MYOF: variants seen among roughly 807,000 people sequenced by gnomAD.
The protein encoded by MYOF is fer-1-like 3, myoferlin.
MYOF carries 244 observed loss-of-function variants against 284.2 expected under a neutral mutation model. The observed-to-expected ratio is 0.86, with a 90% CI of 0.77 to 0.95. The LOEUF (loss-of-function observed/expected upper bound fraction) is 0.95. MYOF is among the 40% of genes least tolerant of loss of function. The pLI is 0.00. For missense variants in MYOF, 2,496 were observed against 2,560.6 expected, an observed-to-expected ratio of 0.97 and a Z score of 0.54; for synonymous variants, 904 against 919.7, an observed-to-expected ratio of 0.98 and a Z score of 0.31.
intron 1 of MYOF, among the ~76,000 whole-genome samples, chr10:93,466,465 C>A (rs1457485906): frequency 6.6e-6 from 1 of 152,158 alleles, no homozygotes; most frequent in Non-Finnish European, 1.5e-5. Flanking sequence ...TTGAATCAAA[C>A]CCACATTTTC....
intron 3 of MYOF, among the ~76,000 whole-genome samples, chr10:93,446,358 G>A (rs2056430046): frequency 6.6e-6 from 1 of 152,194 alleles, no homozygotes; most frequent in Non-Finnish European, 1.5e-5. Flanking sequence ...ATGGCCTTCA[G>A]TCCAAAAGTC....
At chr10:93,412,152 G>A (rs1349116105) in intron 5 of MYOF, among the ~76,000 whole-genome samples, 1 of 152,194 alleles carries the variant, frequency 6.6e-6, no homozygotes, top group African/African-American at 2.4e-5. Flanking sequence ...CAACTTGCCT[G>A]TGGTTAAGTT....
intron 1 of MYOF, among the ~76,000 whole-genome samples, chr10:93,465,432 C>CA (rs1310119103): frequency 6.6e-6 from 1 of 152,020 alleles, no homozygotes; most frequent in East Asian, 1.9e-4. Context: ...AGAATGAATA[C>CA]AAAGTGCCCA....
At chr10:93,441,498 C>T (rs1042046305) in intron 3 of MYOF, among the ~76,000 whole-genome samples, 1 of 151,878 alleles carries the variant, frequency 6.6e-6, no homozygotes, top group African/African-American at 2.4e-5. Context: ...GATTCTCCTG[C>T]CTCAGTCTCT....
intron 29 of MYOF, among the ~76,000 whole-genome samples, chr10:93,359,314 T>C (rs1448152928): frequency 6.6e-6 from 1 of 151,930 alleles, no homozygotes; most frequent in Non-Finnish European, 1.5e-5. Context: ...AAGCCACTTC[T>C]ATACATGCCA....
In MYOF at chr10:93,402,313, AT is replaced by A; in HGVS notation, c.908del (p.Asn303MetfsTer14). The stretch of plus-strand genomic sequence containing the variant: ...AACCTGAACTGGTATCTTCCGGGTC[AT>A]TGAGAAGAAGCCACTTTCTCATGAC... ...HAVMRKWLLL[N>X]DPEDTSSGSK... On this transcript the variant is annotated frameshift_variant, in exon 11 of 54. Transcript: ENST00000359263. LOFTEE classifies it high-confidence loss of function. 6.2e-7 allele frequency: 1 copy of A among 1,614,146 alleles called. No homozygotes were observed. Among genetic ancestry groups the A allele is most frequent in the Non-Finnish European group, 8.5e-7 (1 of 1,180,010 alleles).
At chr10:93,419,475 T>G (rs1275237753) in intron 5 of MYOF, among the ~76,000 whole-genome samples, 1 of 152,100 alleles carries the variant, frequency 6.6e-6, no homozygotes, top group Non-Finnish European at 1.5e-5. Flanking sequence ...AAAATGCCCT[T>G]CTTAAAAAAA....
At chr10:93,480,467 CTTTTTTTTTTTTTTTTT>C (rs34363499) in intron 1 of MYOF, among the ~76,000 whole-genome samples, 1 of 71,766 alleles carries the variant, frequency 1.4e-5, no homozygotes, top group Non-Finnish European at 2.4e-5. Context: ...AATTTGCCAG[CTTTTTTTTTTTTTTTTT>C]TTTTTTTTTG....
rs1362166920 is a variant in MYOF, at chr10:93,389,169, T to C, written c.1457-15A>G. The C allele has an allele frequency of 1.9e-6, 3 of 1,612,166 alleles. No homozygotes were observed. In the Admixed American group the frequency reaches 5.0e-5, roughly 27 times the overall value. On this transcript the variant is annotated splice_polypyrimidine_tract_variant and intron_variant, in intron 17 of 53. Coordinates refer to ENST00000359263, the MANE Select transcript of MYOF (RefSeq NM_013451.4). ...TCCTGTGTTTACTGAGAGAGAAACA[T>C]CATCATGAGGTGTTAGGCTTTTAAC...
chr10:93,378,693 G>GTGTGTGTGTATA lies in MYOF; in HGVS notation c.2001+1169_2001+1170insTATACACACACA. Reference sequence around the variant, plus strand: ...TATGTGTGTGTGTATGTGTGTGTGTGTATATATATATATATATATATATGT... The same window carrying GTGTGTGTGTATA: ...TATGTGTGTGTGTATGTGTGTGTGTGTGTGTGTGTATATATATATATATATATATATATATGT... On this transcript the variant is annotated intron_variant, in intron 21 of 53. Coordinates refer to ENST00000359263, the MANE Select transcript of MYOF (RefSeq NM_013451.4). Among the ~76,000 whole-genome samples, 22 of 87,898 alleles carry GTGTGTGTGTATA rather than the reference G, an allele frequency of 2.5e-4. 4 individuals carry two copies. The highest frequency in any genetic ancestry group is 7.2e-4 in the African/African-American group (15 of 20,770). The allele number at this position is 87,898 out of a possible 152,430, so 57.7% of individuals were successfully genotyped here.
At chr10:93,458,363 A>G (rs2056794330) in intron 1 of MYOF, among the ~76,000 whole-genome samples, 1 of 151,910 alleles carries the variant, frequency 6.6e-6, no homozygotes, top group Non-Finnish European at 1.5e-5. Flanking sequence ...AAAACAAAAA[A>G]CAAACCCTAG....
intron 5 of MYOF, among the ~76,000 whole-genome samples, chr10:93,424,305 C>T (rs574649653): frequency 1.6e-4 from 24 of 152,280 alleles, no homozygotes; most frequent in African/African-American, 3.4e-4. Context: ...GGCCAGAAAG[C>T]GCCTAGTGCC....
chr10:93,399,004 A>G (rs1239132378), intron 13 of MYOF, among the ~76,000 whole-genome samples: 1 of 135,634 alleles, frequency 7.4e-6, no homozygotes. Context: ...GGTGAGAAAC[A>G]TGACAGGAAG....
At chr10:93,458,799 A>ACATT (rs1229523795) in intron 1 of MYOF, among the ~76,000 whole-genome samples, 3 of 152,228 alleles carry the variant, frequency 2.0e-5, no homozygotes, top group Admixed American at 2.0e-4. Context: ...AGGCAGTCTC[A>ACATT]CATTAGTGGC....
intron 17 of MYOF, among the ~76,000 whole-genome samples, chr10:93,391,147 A>G (rs1846656960): frequency 1.3e-5 from 2 of 152,242 alleles, no homozygotes; most frequent in Admixed American, 1.3e-4. Context: ...AGAATGATCC[A>G]CTGCATATCA....
rs562843144 is a variant in MYOF at position 93,468,165 on chromosome 10, T to A, written c.89-11228A>T. Among the ~76,000 whole-genome samples the A allele has an allele frequency of 2.0e-5, 3 of 152,338 alleles. No homozygotes were observed. The South Asian group carries it at 6.2e-4, about 32-fold the overall frequency. On this transcript the variant is annotated intron_variant, in intron 1 of 53. Coordinates refer to ENST00000359263, the MANE Select transcript of MYOF (RefSeq NM_013451.4). ...CTGCTAGTAAGAAACAAAGCCAGAA[T>A]TTGAATATAGGTCTTCTGGCTCTGG...
chr10:93,338,716 G>A (rs1843729626), intron 39 of MYOF, among the ~76,000 whole-genome samples: 1 of 152,180 alleles, frequency 6.6e-6, no homozygotes, highest in African/African-American at 2.4e-5. Flanking sequence ...GCTTTCAGAA[G>A]TTCCCCAGGA....
At chr10:93,334,649 A>G (rs1028048623) in intron 41 of MYOF, among the ~76,000 whole-genome samples, 2 of 152,176 alleles carry the variant, frequency 1.3e-5, no homozygotes, top group African/African-American at 4.8e-5. Flanking sequence ...GAGAGGCCAC[A>G]TATTTTGCCT....
chr10:93,313,254 A>G (rs1200909226), intron 50 of MYOF, 44 bp from the exon 51 acceptor site: 2 of 1,567,372 alleles, frequency 1.3e-6, no homozygotes, highest in Non-Finnish European at 1.7e-6. Flanking sequence ...CTTCAAGTGG[A>G]TCAGCTGTTG....
Sources: gnomAD v4.1 joint callset for allele counts (sites outside exome capture counted in the v4.1 genomes callset) on GRCh38, gnomAD v4.1.1 for gene constraint, MANE v1.5 for transcripts, NCBI Gene and HGNC (gene_info 2026-07-23, HGNC 2026-07-21) for gene names.